The following SLC47A2 variants were observed in gnomAD, a reference collection of about 807,000 sequenced individuals.
SLC47A2 encodes solute carrier family 47 member 2.
In SLC47A2, 52 loss-of-function variants were observed where a neutral mutation model predicts 67.7. That is an observed-to-expected ratio of 0.77 (90% CI 0.61 to 0.97). The LOEUF (loss-of-function observed/expected upper bound fraction) is 0.97. Among genes scored for constraint, SLC47A2 ranks in the 50% least tolerant of loss-of-function variants. The pLI, the probability that SLC47A2 is intolerant of heterozygous loss-of-function variation, is 0.00. For missense variants in SLC47A2, 676 were observed against 712.3 expected (o/e 0.95, Z 0.58); for synonymous variants, 278 against 292.9 (o/e 0.95, Z 0.52).
intron 13 of SLC47A2, chr17:19,692,327 A>G (rs756996266): frequency 2.3e-6 from 1 of 428,306 alleles, no homozygotes; most frequent in Non-Finnish European, 4.6e-6. Flanking sequence ...AGAGAGTTAG[A>G]CATAGATTAC....
chr17:19,712,421 T>C (rs557820050), intron 5 of SLC47A2, among the ~76,000 whole-genome samples: 5 of 152,288 alleles, frequency 3.3e-5, no homozygotes, highest in African/African-American at 1.2e-4. Context: ...GATAGTAACA[T>C]ATGTTCTCTC....
intron 1 of SLC47A2, chr17:19,716,075 A>C: frequency 4.5e-6 from 1 of 223,278 alleles, no homozygotes. Flanking sequence ...TGAAATGGGT[A>C]GCCGGCCCCT....
chr17:19,714,846 C>G (rs1289366721), intron 2 of SLC47A2, 57 bp from the exon 3 acceptor site: 1 of 1,607,964 alleles, frequency 6.2e-7, no homozygotes, highest in Non-Finnish European at 8.5e-7. Context: ...GAAGAGAGGC[C>G]CCTGCATCTG....
At chr17:19,714,073 C>A in intron 3 of SLC47A2, 100 bp from the exon 4 acceptor site, 1 of 1,465,382 alleles carries the variant, frequency 6.8e-7, no homozygotes. Context: ...CGGTGTGTGG[C>A]GGACCCGGCG....
intron 5 of SLC47A2, 104 bp from the exon 6 acceptor site, chr17:19,708,864 A>C: frequency 7.2e-7 from 1 of 1,383,362 alleles, no homozygotes; most frequent in Non-Finnish European, 1.0e-6. Flanking sequence ...CAGATTGGGG[A>C]AATTACTTCA....
intron 15 of SLC47A2, 111 bp from the exon 16 acceptor site, chr17:19,680,150 A>C (rs1327182120): frequency 7.1e-6 from 7 of 990,614 alleles, no homozygotes; most frequent in Non-Finnish European, 1.0e-5. Context: ...AGCAGCATAT[A>C]TGCATGTATT....
chr17:19,705,366 G>T, intron 10 of SLC47A2, 70 bp downstream of exon 10: 1 of 1,488,752 alleles, frequency 6.7e-7, no homozygotes, highest in Non-Finnish European at 9.2e-7. Context: ...GTGACAGCCT[G>T]CCCCCCTCCT....
intron 9 of SLC47A2, 150 bp from the exon 10 acceptor site, chr17:19,705,653 G>C (rs540167172): frequency 1.5e-6 from 1 of 680,860 alleles, no homozygotes; most frequent in Non-Finnish European, 2.3e-6. Flanking sequence ...GAGCTGGAGT[G>C]CAGTGGCGCA....
chr17:19,681,700 T>A, intron 13 of SLC47A2, 30 bp from the exon 14 acceptor site: 1 of 1,593,218 alleles, frequency 6.3e-7, no homozygotes. Context: ...TGGGCAAGAG[T>A]CAGGATGATG....
At chr17:19,687,612 T>C (rs951560434) in intron 13 of SLC47A2, among the ~76,000 whole-genome samples, 2 of 150,400 alleles carry the variant, frequency 1.3e-5, no homozygotes, top group Admixed American at 1.3e-4. Context: ...TTTAGCCAGA[T>C]GAAGAAAAAA....
At chr17:19,705,352 T>G in intron 10 of SLC47A2, 84 bp downstream of exon 10, 1 of 1,415,196 alleles carries the variant, frequency 7.1e-7, no homozygotes, top group Non-Finnish European at 9.7e-7. Context: ...AGAGATAGCT[T>G]CAGGTGACAG....
At chr17:19,701,646 C>T (rs142801283) in intron 13 of SLC47A2, among the ~76,000 whole-genome samples, 173 of 152,252 alleles carry the variant, frequency 1.1e-3, no homozygotes, top group African/African-American at 4.0e-3. Flanking sequence ...GCTTATTAAG[C>T]AAGAGTTTAG....
rs201704161 is a variant in SLC47A2 at position 19,681,594 on chromosome 17, A to G, written c.1241T>C (p.Ile414Thr). The change falls in exon 14 of 17, where the codon ATC (isoleucine) becomes ACC (threonine). Residue 414 changes from isoleucine to threonine, a missense_variant. By Grantham distance (89) the Ile-to-Thr change is moderately conservative. Transcript: ENST00000433844. ...AAGGATGCCCAGTGGTAGGCCGATG[A>G]TGTAATATGTGATGGCATTCACAGC... is the stretch of plus-strand genomic sequence containing the variant. ...GAAVNAITYYIIGLPLGILLT... is the reference protein window; with the variant it reads ...GAAVNAITYYTIGLPLGILLT... 1 of 1,614,128 alleles carries G rather than the reference A, an allele frequency of 6.2e-7. No individual in the cohort carries two copies. The highest frequency in any genetic ancestry group is 2.2e-5 in the East Asian group (1 of 44,868).
intron 13 of SLC47A2, among the ~76,000 whole-genome samples, chr17:19,692,095 G>A (rs975091408): frequency 1.3e-5 from 2 of 152,120 alleles, no homozygotes; most frequent in African/African-American, 4.8e-5. Context: ...AGATGTGGTG[G>A]TGGGCACCTG....
At chr17:19,706,281 C>T (rs1184047940) in intron 9 of SLC47A2, among the ~76,000 whole-genome samples, 1 of 152,222 alleles carries the variant, frequency 6.6e-6, no homozygotes, top group Non-Finnish European at 1.5e-5. Context: ...ACTGGCAAGC[C>T]TGGACCTCTG....
Position 19,678,769 on chromosome 17 carries a change from T to A in SLC47A2, c.1618A>T (p.Ile540Phe), listed in dbSNP as rs1344023120. ...GCCCCCAGAGCAGCCCCACGGCGGA[T>A]GACCAGCTGTTTCACTGATAGTCTG... ...TSRLSVKQLVIRRGAALGAAS... is the reference protein window; with the variant it reads ...TSRLSVKQLVFRRGAALGAAS... Residue 540 changes from isoleucine to phenylalanine, a missense_variant, in exon 17 of 17, where the codon ATC becomes TTC. Ile to Phe is a conservative substitution (Grantham distance 21, BLOSUM62 0). Transcript: ENST00000433844. 1.7e-5 allele frequency: 28 copies of A among 1,614,108 alleles called. No individual in the cohort carries two copies. Among genetic ancestry groups the A allele is most frequent in the Non-Finnish European group, 2.3e-5 (27 of 1,180,056 alleles).
chr17:19,709,853 G>A (rs1475540696), intron 5 of SLC47A2, among the ~76,000 whole-genome samples: 1 of 152,116 alleles, frequency 6.6e-6, no homozygotes, highest in East Asian at 1.9e-4. Flanking sequence ...AAAAATCCTG[G>A]TTGACAAGAT....
At chr17:19,684,612 G>A (rs927785680) in intron 13 of SLC47A2, among the ~76,000 whole-genome samples, 2 of 151,220 alleles carry the variant, frequency 1.3e-5, no homozygotes, top group African/African-American at 4.9e-5. Context: ...TGTAATCCCA[G>A]CACTTTGGGA....
intron 10 of SLC47A2, chr17:19,704,546 G>T: frequency 8.4e-7 from 1 of 1,184,000 alleles, no homozygotes; most frequent in Non-Finnish European, 1.2e-6. Flanking sequence ...AGATATTTCA[G>T]CAGAAACCAC....
Sources: allele counts gnomAD v4.1 joint callset (sites outside exome capture counted in the v4.1 genomes callset), GRCh38; gene constraint gnomAD v4.1.1; transcripts MANE v1.5; gene names NCBI Gene and HGNC (gene_info 2026-07-23, HGNC 2026-07-21).